Variants in CLPSL1 observed in about 807,000 individuals in gnomAD.
The protein encoded by CLPSL1 is colipase-like protein 1.
A neutral mutation model predicts 9.3 loss-of-function variants in CLPSL1; 13 were observed. The ratio of observed to expected loss-of-function variants is 1.40; its 90% CI spans 0.91 to 2.22. The LOEUF (loss-of-function observed/expected upper bound fraction) is 2.22, where lower values mean the gene tolerates loss of function less well. Ranked by LOEUF, CLPSL1 falls within the 30% of genes most tolerant of loss-of-function variation. The pLI, the probability that CLPSL1 is intolerant of heterozygous loss-of-function variation, is 0.00. For synonymous variants in CLPSL1, 58 were observed against 56.9 expected (o/e 1.02, Z -0.08); for missense variants, 164 against 146.6 (o/e 1.12, Z -0.61).
downstream of CLPSL1, among the ~76,000 whole-genome samples, chr6:35,792,334 T>C (rs1461047009): frequency 6.6e-6 from 1 of 152,272 alleles, no homozygotes; most frequent in African/African-American, 2.4e-5. Context: ...TAGCTTAGCC[T>C]ACCTTAAATG....
At chr6:35,783,944 A>G (rs906041773) in intron 1 of CLPSL1, among the ~76,000 whole-genome samples, 1 of 152,142 alleles carries the variant, frequency 6.6e-6, no homozygotes, top group African/African-American at 2.4e-5. Context: ...TACTAGTGTG[A>G]ACCCAAAATA....
chr6:35,793,510 T>C (rs1196266012), exon 2 of CLPSL1: 1 of 471,754 alleles, frequency 2.1e-6, no homozygotes, highest in Non-Finnish European at 4.4e-6. Flanking sequence ...CCATGCTTCC[T>C]GCCTTCGAAT....
chr6:35,790,387 A>G (rs769313749), downstream of CLPSL1, among the ~76,000 whole-genome samples: 6 of 152,278 alleles, frequency 3.9e-5, no homozygotes, highest in Non-Finnish European at 8.8e-5. Flanking sequence ...CGTTGCTGAC[A>G]TGACTAAACT....
Position 35,787,994 on chromosome 6 carries a change from A to G in CLPSL1, c.350A>G (p.Lys117Arg), listed in dbSNP as rs978292572. 2 of 1,612,774 alleles carry G rather than the reference A, an allele frequency of 1.2e-6. No homozygotes were observed. Among genetic ancestry groups the G allele is most frequent in the Non-Finnish European group, 1.7e-6 (2 of 1,178,908 alleles). The change falls in exon 3 of 3, where the codon AAG becomes AGG. Residue 117 changes from lysine (K) to arginine (R), a missense_variant. By Grantham distance (26) the Lys-to-Arg change is conservative (BLOSUM62 2). Coordinates refer to ENST00000373861, the MANE Select transcript of CLPSL1 (RefSeq NM_001010886.5). ...AAAATTGGAAGGCAGAAGTTGGCTA[A>G]GAAAATGTTCTTCTAGTGCTCCCTC... is the stretch of plus-strand genomic sequence containing the variant. Reference protein sequence around the residue: ...CQKIGRQKLAKKMFF With the variant: ...CQKIGRQKLARKMFF
downstream of CLPSL1, among the ~76,000 whole-genome samples, chr6:35,788,324 C>T (rs764229218): frequency 5.3e-5 from 8 of 152,260 alleles, no homozygotes; most frequent in Non-Finnish European, 5.9e-5. Flanking sequence ...ACCAAAGCTC[C>T]CTTCCCACCC....
rs534200139 is a variant in CLPSL1 at position 35,787,842 on chromosome 6, G to A, written c.223-25G>A. On this transcript the variant is annotated intron_variant, in intron 2 of 2. Transcript: ENST00000373861. ...TCAGGGAAGAGCTGCCGCCAAGGTC[G>A]AGGTCAAAGTCCTGTCTTTCCCAGG... is the stretch of plus-strand genomic sequence containing the variant. 7.0e-5 allele frequency: 112 copies of A among 1,603,738 alleles called. No homozygotes were observed. The African/African-American group carries it at 9.1e-4, about 13-fold the overall frequency.
chr6:35,785,716 A>T (rs564556050), intron 1 of CLPSL1, among the ~76,000 whole-genome samples: 1 of 152,206 alleles, frequency 6.6e-6, no homozygotes, highest in East Asian at 1.9e-4. Flanking sequence ...ATCACCTGAC[A>T]TTCCTGGTGG....
chr6:35,786,900 A>G, intron 1 of CLPSL1, 98 bp from the exon 2 acceptor site: 1 of 1,419,644 alleles, frequency 7.0e-7, no homozygotes. Context: ...GTGGGAGCAG[A>G]GTCTGGGGAG....
chr6:35,790,339 A>C (rs1768162756), downstream of CLPSL1, among the ~76,000 whole-genome samples: 3 of 152,284 alleles, frequency 2.0e-5, no homozygotes, highest in South Asian at 6.2e-4. Context: ...TAATAAGGAA[A>C]AAAAAGAAAC....
downstream of CLPSL1, among the ~76,000 whole-genome samples, chr6:35,790,682 T>G (rs1260357902): frequency 1.3e-5 from 2 of 152,282 alleles, no homozygotes; most frequent in South Asian, 4.1e-4. Context: ...TTTCGTGACC[T>G]GACTGTTTAG....
Position 35,788,140 on chromosome 6 carries a change from C to A in CLPSL1, c.*130C>A. 1 of 527,098 alleles carries A rather than the reference C, an allele frequency of 1.9e-6. No homozygotes were observed. The highest frequency in any genetic ancestry group is 3.5e-6 in the Non-Finnish European group (1 of 288,532). The allele number at this position is 527,098 out of a possible 1,614,324, so 32.7% of individuals were successfully genotyped here. On this transcript the variant is annotated 3_prime_UTR_variant, in exon 3 of 3. Transcript: ENST00000373861. ...AGTGGGGAGTGATTGAAATAAAGAGCTTTTTCAATGTTTGCTGCCCACAGA... is the reference window on the plus strand; with the variant it reads ...AGTGGGGAGTGATTGAAATAAAGAGATTTTTCAATGTTTGCTGCCCACAGA...
downstream of CLPSL1, among the ~76,000 whole-genome samples, chr6:35,793,882 C>T (rs1768273252): frequency 6.6e-6 from 1 of 152,252 alleles, no homozygotes; most frequent in South Asian, 2.1e-4. Flanking sequence ...ACCTGCGTAC[C>T]TGGATGATGG....
chr6:35,790,904 G>A (rs1354695127), downstream of CLPSL1, among the ~76,000 whole-genome samples: 5 of 152,204 alleles, frequency 3.3e-5, no homozygotes, highest in Admixed American at 6.5e-5. Flanking sequence ...CAACATAGCC[G>A]GTGGTGGCAC....
At chr6:35,788,431 G>A (rs1261723721), downstream of CLPSL1, among the ~76,000 whole-genome samples, 1 of 152,250 alleles carries the variant, frequency 6.6e-6, no homozygotes, top group South Asian at 2.1e-4. Flanking sequence ...TTTCAGAAAT[G>A]TGAAAGAAGG....
downstream of CLPSL1, among the ~76,000 whole-genome samples, chr6:35,790,134 C>T (rs1768158981): frequency 6.6e-6 from 1 of 152,092 alleles, no homozygotes; most frequent in African/African-American, 2.4e-5. Context: ...GGAGATCTCA[C>T]CATGTTGCCC....
chr6:35,786,031 G>A (rs966712958), intron 1 of CLPSL1, among the ~76,000 whole-genome samples: 4 of 151,836 alleles, frequency 2.6e-5, no homozygotes, highest in East Asian at 1.9e-4. Flanking sequence ...TTGGGAGGCC[G>A]AGGCGGGTGG....
intron 1 of CLPSL1, among the ~76,000 whole-genome samples, chr6:35,786,212 A>G (rs939550172): frequency 1.7e-4 from 26 of 152,184 alleles, no homozygotes; most frequent in Non-Finnish European, 2.8e-4. Flanking sequence ...AAATCACGCC[A>G]CTGCATACCA....
At chr6:35,783,560 A>C (rs529245053) in intron 1 of CLPSL1, among the ~76,000 whole-genome samples, 2 of 151,844 alleles carry the variant, frequency 1.3e-5, no homozygotes, top group Non-Finnish European at 2.9e-5. Context: ...TAATCCCAGC[A>C]TTTTGGGAGG....
intron 1 of CLPSL1, among the ~76,000 whole-genome samples, chr6:35,782,217 G>T (rs969171089): frequency 1.3e-5 from 2 of 152,184 alleles, no homozygotes; most frequent in East Asian, 1.9e-4. Flanking sequence ...AGGTCTGGGG[G>T]CGGAAATGTG....
Sources: gnomAD v4.1 joint callset for allele counts (sites outside exome capture counted in the v4.1 genomes callset) on GRCh38, gnomAD v4.1.1 for gene constraint, MANE v1.5 for transcripts, NCBI Gene and HGNC (gene_info 2026-07-23, HGNC 2026-07-21) for gene names.